Variants in KCNT1 observed in about 807,000 individuals in gnomAD.
KCNT1 encodes potassium channel subfamily T member 1.
Under a neutral mutation model 147.8 loss-of-function variants are expected in KCNT1, and 78 were observed. The ratio of observed to expected loss-of-function variants is 0.53; its 90% CI spans 0.44 to 0.64. KCNT1 has a LOEUF of 0.64. Ranked by LOEUF, KCNT1 falls within the 30% of genes least tolerant of loss-of-function variation. The probability of loss-of-function intolerance (pLI) is 0.00; values close to 1 mark genes in which losing one functional copy is unlikely to be tolerated. For missense variants in KCNT1, 1,419 were observed against 1,750.3 expected (o/e 0.81, Z 3.38); for synonymous variants, 867 against 748.8 (o/e 1.16, Z -2.58).
At chr9:135,758,320 C>A in intron 9 of KCNT1, 94 bp from the exon 10 acceptor site, 2 of 863,872 alleles carry the variant, frequency 2.3e-6, no homozygotes, top group South Asian at 2.8e-5. Context: ...TGTGGCCGGG[C>A]CGTCTGCTTT....
intron 11 of KCNT1, among the ~76,000 whole-genome samples, chr9:135,763,531 G>C (rs1413031491): frequency 6.6e-6 from 1 of 152,138 alleles, no homozygotes; most frequent in African/African-American, 2.4e-5. Flanking sequence ...GGGTTGGCAG[G>C]GCTGACCCTA....
chr9:135,715,300 C>T (rs1265973804), intron 2 of KCNT1, among the ~76,000 whole-genome samples: 2 of 152,226 alleles, frequency 1.3e-5, no homozygotes, highest in East Asian at 3.9e-4. Context: ...AATAATTCAT[C>T]CGCTGAGGGG....
chr9:135,782,866 G>C (rs1224172073), intron 24 of KCNT1, among the ~76,000 whole-genome samples: 1 of 152,248 alleles, frequency 6.6e-6, no homozygotes, highest in Non-Finnish European at 1.5e-5. Context: ...CTTGCCCCAA[G>C]AGCGGAAACG....
In KCNT1 at chr9:135,772,887, G is replaced by A. The variant is rs1235652062; in HGVS notation, c.2181G>A (p.Leu727=). ...ADSSALLPCD[L]LSDQSEDEVT... is the part of the protein sequence containing the mutation. ...GCTCAGCCCTGCTGCCCTGCGACCT[G>A]CTGAGCGACCAGTCGGAGGATGAGG... Residue 727 remains leucine (L), a synonymous_variant, in exon 19 of 31, where the codon CTG becomes CTA. Coordinates refer to ENST00000371757, the MANE Select transcript of KCNT1 (RefSeq NM_020822.3). 5 of 1,560,578 alleles carry A rather than the reference G, an allele frequency of 3.2e-6. No individual in the cohort carries two copies. Among genetic ancestry groups the A allele is most frequent in the Admixed American group, 1.9e-5 (1 of 52,320 alleles).
At chr9:135,772,093 G>A (rs1832800028) in intron 18 of KCNT1, among the ~76,000 whole-genome samples, 1 of 152,210 alleles carries the variant, frequency 6.6e-6, no homozygotes, top group Admixed American at 6.5e-5. Context: ...GCTCACTCGG[G>A]GGGCCGGGCC....
At chr9:135,742,214 ACCCGCTG>A (rs1830601627) in intron 2 of KCNT1, among the ~76,000 whole-genome samples, 1 of 152,126 alleles carries the variant, frequency 6.6e-6, no homozygotes, top group Admixed American at 6.5e-5. Context: ...CGGGTGCCTC[ACCCGCTG>A]GTCTGGGTGT....
In KCNT1 at chr9:135,757,498, A is replaced by G. The variant is rs1831577860; in HGVS notation, c.759+117A>G. 6 of 867,870 alleles carry G rather than the reference A, an allele frequency of 6.9e-6. No individual in the cohort carries two copies. The South Asian group carries it at 8.6e-5, about 12-fold the overall frequency. The allele number at this position is 867,870 out of a possible 1,614,324, so 53.8% of individuals were successfully genotyped here. On this transcript the variant is annotated intron_variant, in intron 9 of 30. Transcript: ENST00000371757. ...GCCCCGGCCCTGGCATGACCTGTAG[A>G]GGACCGGGAAGCCAGGGCAGCAGAA...
chr9:135,708,603 T>G (rs1471061813), intron 1 of KCNT1, among the ~76,000 whole-genome samples: 1 of 152,226 alleles, frequency 6.6e-6, no homozygotes, highest in Admixed American at 6.5e-5. Context: ...CAGGCTGGAG[T>G]GCAGTGGCGC....
intron 11 of KCNT1, among the ~76,000 whole-genome samples, chr9:135,763,156 G>A (rs569922450): frequency 6.6e-6 from 1 of 152,350 alleles, no homozygotes; most frequent in Non-Finnish European, 1.5e-5. Flanking sequence ...GACCCAGGTG[G>A]GCCTGTGCTG....
chr9:135,743,421 G>T (rs1417633296), intron 2 of KCNT1, among the ~76,000 whole-genome samples: 1 of 152,118 alleles, frequency 6.6e-6, no homozygotes, highest in Non-Finnish European at 1.5e-5. Context: ...GGCACCAGCA[G>T]CAGAAACCAC....
chr9:135,777,660 G>T (rs1262267230), intron 21 of KCNT1, 150 bp downstream of exon 21: 42 of 740,736 alleles, frequency 5.7e-5, no homozygotes, highest in Non-Finnish European at 7.4e-5. Flanking sequence ...CCTAAAAAGG[G>T]GGACTCTCCT....
Position 135,784,746 on chromosome 9 carries a change from G to A in KCNT1, c.3028-15G>A. 1 of 1,612,050 alleles carries A rather than the reference G, an allele frequency of 6.2e-7. No homozygotes were observed. Among genetic ancestry groups the A allele is most frequent in the Non-Finnish European group, 8.5e-7 (1 of 1,179,422 alleles). ...TGCCACCTGCCCCAGCCAACTCAGG[G>A]TTCCCACCCTGCAGATGAAAATCAC... On this transcript the variant is annotated splice_polypyrimidine_tract_variant and intron_variant, in intron 26 of 30. Coordinates refer to ENST00000371757, the MANE Select transcript of KCNT1 (RefSeq NM_020822.3).
In KCNT1 at chr9:135,786,243, T is replaced by C. The variant is rs1462304897; in HGVS notation, c.3224T>C (p.Val1075Ala). 6.2e-7 allele frequency: 1 copy of C among 1,610,984 alleles called. No homozygotes were observed. The change falls in exon 29 of 31, where the codon GTG becomes GCG. Residue 1075 changes from valine (V) to alanine (A), a missense_variant. Physicochemically the swap from Val to Ala is moderately conservative, Grantham distance 64. Coordinates refer to ENST00000371757, the MANE Select transcript of KCNT1 (RefSeq NM_020822.3). ...NVEDCEDTRE[V>A]KGPWGSRAGT... Reference sequence around the variant, plus strand: ...GAGGACTGTGAGGACACACGGGAAGTGAAGGGGCCCTGGGGCTCCCGCGCT... The same window carrying C: ...GAGGACTGTGAGGACACACGGGAAGCGAAGGGGCCCTGGGGCTCCCGCGCT...
intron 24 of KCNT1, 46 bp downstream of exon 24, chr9:135,779,516 AAG>A: frequency 7.2e-7 from 1 of 1,388,482 alleles, no homozygotes; most frequent in Non-Finnish European, 1.0e-6. Flanking sequence ...GAATCCCAGA[AAG>A]AGTGGGAGAA....
chr9:135,785,925 C>A lies in KCNT1; in HGVS notation c.3178-272C>A, dbSNP rs1025294795. On this transcript the variant is annotated intron_variant, in intron 28 of 30. Transcript: ENST00000371757. ...GCTCAGAGAGGCGAAGGGAGCTGCC[C>A]TCAGCAGCCTGGCGAATCCCTTGAC... is the stretch of plus-strand genomic sequence containing the variant. 9.2e-6 allele frequency: 5 copies of A among 545,140 alleles called. No homozygotes were observed. In the African/African-American group the frequency reaches 9.7e-5, roughly 11 times the overall value. The allele number at this position is 545,140 out of a possible 1,614,324, so 33.8% of individuals were successfully genotyped here. A position where few individuals can be genotyped will look rare whatever the true frequency, so the allele number is the denominator to read the frequency against.
At position 135,785,904 on chromosome 9, in the gene KCNT1, A is replaced by G. The variant is rs959377580; in HGVS notation, c.3178-293A>G. The G allele has an allele frequency of 2.0e-5, 10 of 511,958 alleles. No homozygotes were observed. In the African/African-American group the frequency reaches 2.0e-4, roughly 10 times the overall value. 31.7% of individuals were successfully genotyped at this position (511,958 alleles called of 1,614,324 possible). A position where few individuals can be genotyped will look rare whatever the true frequency, so the allele number is the denominator to read the frequency against. On this transcript the variant is annotated intron_variant, in intron 28 of 30. Coordinates refer to ENST00000371757, the MANE Select transcript of KCNT1 (RefSeq NM_020822.3). ...GCCGGACCCACAGAAATAAGGGCTC[A>G]GAGAGGCGAAGGGAGCTGCCCTCAG... is the stretch of plus-strand genomic sequence containing the variant.
chr9:135,751,073 C>T, intron 4 of KCNT1, 32 bp downstream of exon 4: 1 of 1,586,416 alleles, frequency 6.3e-7, no homozygotes, highest in African/African-American at 1.3e-5. Context: ...GCGCGGGGTC[C>T]CGGGTCCCAG....
intron 2 of KCNT1, among the ~76,000 whole-genome samples, chr9:135,724,457 G>T (rs1460471726): frequency 2.6e-5 from 4 of 152,264 alleles, no homozygotes; most frequent in Non-Finnish European, 2.9e-5. Flanking sequence ...CAGGATCCAG[G>T]CAGGCCAGTG....
chr9:135,724,597 G>T (rs1482773581), intron 2 of KCNT1, among the ~76,000 whole-genome samples: 1 of 152,238 alleles, frequency 6.6e-6, no homozygotes, highest in Non-Finnish European at 1.5e-5. Context: ...TACAAATACA[G>T]GATGCCTGGT....
Sources: gnomAD v4.1 joint callset for allele counts (sites outside exome capture counted in the v4.1 genomes callset) on GRCh38, gnomAD v4.1.1 for gene constraint, MANE v1.5 for transcripts, NCBI Gene and HGNC (gene_info 2026-07-23, HGNC 2026-07-21) for gene names.